THADA: variants seen among roughly 807,000 people sequenced by gnomAD.
THADA encodes the protein tRNA (32-2'-O)-methyltransferase regulator THADA.
THADA carries 213 observed loss-of-function variants against 219.8 expected under a neutral mutation model. The ratio of observed to expected loss-of-function variants is 0.97; its 90% CI spans 0.87 to 1.09. THADA has a LOEUF of 1.09. THADA is among the 50% of genes least tolerant of loss of function. THADA has a pLI of 0.00. For missense variants in THADA, 2,956 were observed against 2,311.3 expected (o/e 1.28, Z -5.72); for synonymous variants, 1,018 against 828.9 (o/e 1.23, Z -3.92).
At position 43,566,737 on chromosome 2, in the gene THADA, T is replaced by C; in HGVS notation, c.2272A>G (p.Ile758Val). The C allele has an allele frequency of 6.3e-7, 1 of 1,593,924 alleles. No homozygotes were observed. Among genetic ancestry groups the C allele is most frequent in the Non-Finnish European group, 8.5e-7 (1 of 1,174,088 alleles). ...AAAACTTCAGCTATTGAACCTAAAA[T>C]GGTTAAAGCTGAAAATCTAGTCGAG... Reference protein sequence around the residue: ...SYSTRFSALTILGSIAEVFHV... With the variant: ...SYSTRFSALTVLGSIAEVFHV... Residue 758 changes from isoleucine to valine, a missense_variant, in exon 15 of 38, where the codon ATT becomes GTT. Transcript: ENST00000405975.
intron 28 of THADA, among the ~76,000 whole-genome samples, chr2:43,425,779 C>T: frequency 6.6e-6 from 1 of 152,146 alleles, no homozygotes; most frequent in East Asian, 1.9e-4. Context: ...CTTACAGTGA[C>T]TCTCAGAAGA....
intron 21 of THADA, among the ~76,000 whole-genome samples, chr2:43,539,686 C>A (rs545535937): frequency 2.0e-5 from 3 of 152,218 alleles, no homozygotes; most frequent in East Asian, 3.9e-4. Context: ...AATGACTGGA[C>A]CTCATTACAA....
chr2:43,548,829 G>A (rs556146627), intron 20 of THADA, among the ~76,000 whole-genome samples: 28 of 152,354 alleles, frequency 1.8e-4, no homozygotes, highest in South Asian at 4.1e-4. Context: ...CCCAAGTGAG[G>A]CAATGCCTCG....
chr2:43,375,370 A>C (rs1195446568), intron 29 of THADA, among the ~76,000 whole-genome samples: 3 of 152,344 alleles, frequency 2.0e-5, no homozygotes, highest in African/African-American at 4.8e-5. Flanking sequence ...GGAGCAATAA[A>C]CACTGCAAGA....
Position 43,287,559 on chromosome 2 carries a change from A to C in THADA, c.5011-498T>G, listed in dbSNP as rs79525577. Among the ~76,000 whole-genome samples the C allele has an allele frequency of 6.0e-3, 920 of 152,292 alleles. 13 individuals carry two copies. The highest frequency in any genetic ancestry group is 0.022 in the African/African-American group (894 of 41,560). On this transcript the variant is annotated intron_variant, in intron 34 of 37. Transcript: ENST00000405975. Reference sequence around the variant, plus strand: ...TGATCAACTTGCCTCGGCCTCCCAAAGTGCTGGCATTACAGACATGAGCCA... The same window carrying C: ...TGATCAACTTGCCTCGGCCTCCCAACGTGCTGGCATTACAGACATGAGCCA...
At chr2:43,384,224 T>A (rs1672369947) in intron 29 of THADA, among the ~76,000 whole-genome samples, 1 of 152,116 alleles carries the variant, frequency 6.6e-6, no homozygotes, top group South Asian at 2.1e-4. Context: ...AATCACACAT[T>A]TTTCCAGAAT....
At chr2:43,331,405 C>A (rs778638432) in intron 30 of THADA, among the ~76,000 whole-genome samples, 7 of 152,184 alleles carry the variant, frequency 4.6e-5, no homozygotes, top group Non-Finnish European at 8.8e-5. Context: ...GACCACTAAG[C>A]GAGGTTGGAA....
chr2:43,394,552 T>C (rs746177124), intron 29 of THADA, among the ~76,000 whole-genome samples: 3 of 152,236 alleles, frequency 2.0e-5, no homozygotes, highest in Non-Finnish European at 4.4e-5. Context: ...TTCCTTTCAA[T>C]CCCTAACACC....
chr2:43,573,113 C>G, intron 11 of THADA, 121 bp from the exon 12 acceptor site: 1 of 797,582 alleles, frequency 1.3e-6, no homozygotes, highest in Non-Finnish European at 1.8e-6. Flanking sequence ...ACATTTTAAA[C>G]TCATTTCTAA....
chr2:43,238,558 C>G (rs547004907), intron 36 of THADA, among the ~76,000 whole-genome samples: 2 of 152,268 alleles, frequency 1.3e-5, no homozygotes, highest in Non-Finnish European at 2.9e-5. Flanking sequence ...AACAGTCTTG[C>G]AGTTCTCCTC....
chr2:43,556,122 A>T (rs760231811), intron 17 of THADA: 62 of 993,262 alleles, frequency 6.2e-5, no homozygotes, highest in Non-Finnish European at 7.8e-5. Context: ...TTATTAATAA[A>T]TATTTGTATA....
intron 22 of THADA, among the ~76,000 whole-genome samples, chr2:43,510,985 A>C (rs1690346594): frequency 6.8e-6 from 1 of 146,532 alleles, no homozygotes; most frequent in African/African-American, 2.7e-5. Context: ...AAAACTAAAA[A>C]AATTTAAAAA....
At chr2:43,247,719 C>T (rs1669298353) in intron 36 of THADA, among the ~76,000 whole-genome samples, 1 of 106,422 alleles carries the variant, frequency 9.4e-6, no homozygotes, top group East Asian at 2.6e-4. Context: ...CAGAGCAAGA[C>T]TCCGTCTCAA....
At chr2:43,485,171 T>G (rs1295625572) in intron 26 of THADA, 63 bp downstream of exon 26, 34 of 1,311,780 alleles carry the variant, frequency 2.6e-5, no homozygotes, top group Non-Finnish European at 3.4e-5. Flanking sequence ...TCAAAATTTG[T>G]TTTTGGCCAG....
intron 5 of THADA, 55 bp downstream of exon 5, chr2:43,586,799 T>G: frequency 1.2e-6 from 2 of 1,611,168 alleles, no homozygotes; most frequent in Non-Finnish European, 1.7e-6. Context: ...ATTTAAAAAC[T>G]ATGATGTGAT....
intron 25 of THADA, among the ~76,000 whole-genome samples, chr2:43,485,895 T>A (rs764054536): frequency 6.6e-6 from 1 of 151,966 alleles, no homozygotes; most frequent in Non-Finnish European, 1.5e-5. Flanking sequence ...TTTTAGAGAT[T>A]TTTTTGTTTG....
At chr2:43,236,299 G>T (rs1668026580) in intron 36 of THADA, among the ~76,000 whole-genome samples, 1 of 152,214 alleles carries the variant, frequency 6.6e-6, no homozygotes, top group Admixed American at 6.5e-5. Context: ...GGGGATGCGG[G>T]GGGAAGGATG....
intron 36 of THADA, among the ~76,000 whole-genome samples, chr2:43,238,574 A>ATG (rs1257052620): frequency 6.6e-6 from 1 of 152,230 alleles, no homozygotes; most frequent in East Asian, 1.9e-4. Context: ...TCCTCAAAAG[A>ATG]TTAAACCTAT....
At chr2:43,317,218 T>C (rs562537872) in intron 31 of THADA, among the ~76,000 whole-genome samples, 3 of 152,378 alleles carry the variant, frequency 2.0e-5, no homozygotes, top group African/African-American at 7.2e-5. Context: ...GAGGCAGATA[T>C]ATATTTACAT....
Sources: allele counts gnomAD v4.1 joint callset (sites outside exome capture counted in the v4.1 genomes callset), GRCh38; gene constraint gnomAD v4.1.1; transcripts MANE v1.5; gene names NCBI Gene and HGNC (gene_info 2026-07-23, HGNC 2026-07-21).